CUX2: variants seen among roughly 807,000 people sequenced by gnomAD.
The protein encoded by CUX2 is homeobox protein cut-like 2.
Under a neutral mutation model 144.8 loss-of-function variants are expected in CUX2, and 40 were observed. The observed-to-expected ratio is 0.28, with a 90% CI of 0.21 to 0.36. The LOEUF (loss-of-function observed/expected upper bound fraction) is 0.36, where lower values mean the gene tolerates loss of function less well. Ranked by LOEUF, CUX2 falls within the 10% of genes least tolerant of loss-of-function variation. The pLI is 1.00. For synonymous variants in CUX2, 827 were observed against 875.6 expected, an observed-to-expected ratio of 0.94 and a Z score of 0.98; for missense variants, 1,615 against 1,994.0, an observed-to-expected ratio of 0.81 and a Z score of 3.62.
intron 1 of CUX2, among the ~76,000 whole-genome samples, chr12:111,166,702 G>A (rs1435441062): frequency 3.3e-5 from 5 of 152,202 alleles, no homozygotes; most frequent in Non-Finnish European, 7.4e-5. Context: ...GAGGCTAAAC[G>A]TGGAAGGGGC....
intron 1 of CUX2, among the ~76,000 whole-genome samples, chr12:111,192,587 C>T (rs913656778): frequency 4.6e-5 from 7 of 152,190 alleles, no homozygotes; most frequent in African/African-American, 1.7e-4. Flanking sequence ...CTTCCCCCAC[C>T]AGGAACCCTA....
At chr12:111,216,016 C>G (rs1257340251) in intron 2 of CUX2, among the ~76,000 whole-genome samples, 1 of 152,268 alleles carries the variant, frequency 6.6e-6, no homozygotes, top group East Asian at 1.9e-4. Flanking sequence ...TGGAGAAAGT[C>G]ACGCCGAGGC....
intron 15 of CUX2, among the ~76,000 whole-genome samples, chr12:111,311,596 TATTA>T (rs1167315614): frequency 1.5e-4 from 19 of 124,722 alleles, no homozygotes; most frequent in East Asian, 7.8e-4. Flanking sequence ...ATTTCTTTAT[TATTA>T]TTATTTTTTT....
chr12:111,047,831 T>C (rs544560112), intron 1 of CUX2, among the ~76,000 whole-genome samples: 15 of 152,222 alleles, frequency 9.9e-5, no homozygotes, highest in Non-Finnish European at 1.5e-4. Context: ...GAAAGAGCGC[T>C]GAAATCACAT....
At chr12:111,282,157 T>TA (rs1392614750) in intron 4 of CUX2, among the ~76,000 whole-genome samples, 1 of 151,470 alleles carries the variant, frequency 6.6e-6, no homozygotes, top group Non-Finnish European at 1.5e-5. Flanking sequence ...CCGTCTCTAC[T>TA]AAAAATACAA....
At chr12:111,227,868 A>G (rs914586097) in intron 3 of CUX2, among the ~76,000 whole-genome samples, 4 of 152,282 alleles carry the variant, frequency 2.6e-5, no homozygotes, top group Non-Finnish European at 2.9e-5. Context: ...GGTGAGTGCC[A>G]GCCTTCAGGG....
intron 2 of CUX2, among the ~76,000 whole-genome samples, 156 bp downstream of exon 2, chr12:111,214,466 C>T (rs1024963918): frequency 4.6e-5 from 7 of 152,176 alleles, no homozygotes; most frequent in African/African-American, 1.7e-4. Context: ...TTCGGGGTTT[C>T]TTGGCCTAGT....
intron 1 of CUX2, among the ~76,000 whole-genome samples, chr12:111,144,588 T>C (rs143977770): frequency 6.6e-6 from 1 of 152,350 alleles, no homozygotes; most frequent in Non-Finnish European, 1.5e-5. Context: ...GGGACATGCA[T>C]ATTTCCTCTC....
At chr12:111,230,125 C>T (rs971944537) in intron 3 of CUX2, among the ~76,000 whole-genome samples, 1 of 148,176 alleles carries the variant, frequency 6.7e-6, no homozygotes. Flanking sequence ...CACTGTACTT[C>T]AGCCTGGGTG....
At chr12:111,046,458 C>T (rs1489837817) in intron 1 of CUX2, among the ~76,000 whole-genome samples, 1 of 152,158 alleles carries the variant, frequency 6.6e-6, no homozygotes, top group Non-Finnish European at 1.5e-5. Context: ...ACAGAAGGCT[C>T]AGTCCCTGGC....
chr12:111,318,139 A>G (rs1196431083), intron 16 of CUX2, among the ~76,000 whole-genome samples: 1 of 151,404 alleles, frequency 6.6e-6, no homozygotes, highest in African/African-American at 2.4e-5. Context: ...AGTGGTGCAA[A>G]CATGGCTCAC....
At chr12:111,083,265 C>CT (rs1443776332) in intron 1 of CUX2, among the ~76,000 whole-genome samples, 1 of 152,110 alleles carries the variant, frequency 6.6e-6, no homozygotes, top group Non-Finnish European at 1.5e-5. Context: ...TCACCCAGAA[C>CT]TGGGGCAGGG....
intron 1 of CUX2, among the ~76,000 whole-genome samples, chr12:111,147,573 A>C (rs767598033): frequency 5.3e-4 from 80 of 152,232 alleles, no homozygotes; most frequent in Admixed American, 9.2e-4. Context: ...CCCAGGATCC[A>C]GCTCTCATAG....
intron 1 of CUX2, among the ~76,000 whole-genome samples, chr12:111,085,650 T>C (rs1872165534): frequency 6.6e-6 from 1 of 152,266 alleles, no homozygotes; most frequent in South Asian, 2.1e-4. Flanking sequence ...CTTTGGTTCC[T>C]GTCTCCCCTA....
chr12:111,204,813 T>C (rs1880816818), intron 1 of CUX2, among the ~76,000 whole-genome samples: 1 of 152,180 alleles, frequency 6.6e-6, no homozygotes, highest in East Asian at 1.9e-4. Flanking sequence ...ATGGGGCAGT[T>C]GTTATCCTGC....
chr12:111,087,947 C>A (rs191381015), intron 1 of CUX2, among the ~76,000 whole-genome samples: 1 of 152,090 alleles, frequency 6.6e-6, no homozygotes, highest in Non-Finnish European at 1.5e-5. Context: ...ACCCCCACAC[C>A]GAGGAGCACT....
Position 111,328,941 on chromosome 12 carries a change from A to ATCTCTCCCTCTCTCTC in CUX2, c.2927-5494_2927-5493insCCTCTCTCTCTCTCTC, listed in dbSNP as rs1887949182. Among the ~76,000 whole-genome samples, 8 of 28,994 alleles carry ATCTCTCCCTCTCTCTC rather than the reference A, an allele frequency of 2.8e-4. 1 individual carries two copies. The highest frequency in any genetic ancestry group is 2.1e-3 in the African/African-American group (8 of 3,774). 19.0% of individuals were successfully genotyped at this position (28,994 alleles called of 152,430 possible). A position where few individuals can be genotyped will look rare whatever the true frequency, so the allele number is the denominator to read the frequency against. ...CACTCTGCATTTTTTTGATTCACCT[A>ATCTCTCCCTCTCTCTC]TCTCTCTCTCTCTCTCTCTCTCTCT... On this transcript the variant is annotated intron_variant, in intron 18 of 21. Coordinates refer to ENST00000261726, the MANE Select transcript of CUX2 (RefSeq NM_015267.4).
intron 1 of CUX2, among the ~76,000 whole-genome samples, chr12:111,049,229 C>A (rs1457938001): frequency 2.0e-5 from 3 of 151,530 alleles, no homozygotes; most frequent in East Asian, 3.8e-4. Context: ...ATCCATCCAT[C>A]CATCCACCCA....
intron 1 of CUX2, among the ~76,000 whole-genome samples, chr12:111,192,864 C>T (rs956452130): frequency 1.3e-5 from 2 of 152,248 alleles, no homozygotes; most frequent in African/African-American, 2.4e-5. Flanking sequence ...ATGACATCAT[C>T]GTTCCTATGG....
Sources: gnomAD v4.1 joint callset for allele counts (sites outside exome capture counted in the v4.1 genomes callset) on GRCh38, gnomAD v4.1.1 for gene constraint, MANE v1.5 for transcripts, NCBI Gene and HGNC (gene_info 2026-07-23, HGNC 2026-07-21) for gene names.